CLTCL1: variants seen among roughly 807,000 people sequenced by gnomAD.
The protein encoded by CLTCL1 is clathrin heavy chain 2.
CLTCL1 carries 159 observed loss-of-function variants against 190.0 expected under a neutral mutation model. That is an observed-to-expected ratio of 0.84 (90% confidence interval 0.74 to 0.95). CLTCL1 has a LOEUF of 0.95. Among genes scored for constraint, CLTCL1 ranks in the 40% least tolerant of loss-of-function variants. The pLI is 0.00. For synonymous variants in CLTCL1, 752 were observed against 769.6 expected (o/e 0.98, Z 0.38); for missense variants, 1,878 against 2,033.4 (o/e 0.92, Z 1.47).
intron 7 of CLTCL1, 62 bp from the exon 8 acceptor site, chr22:19,233,684 T>C: frequency 6.6e-7 from 1 of 1,505,942 alleles, no homozygotes; most frequent in Non-Finnish European, 9.1e-7. Context: ...TTCACTCAAC[T>C]TCCTTGTATG....
intron 2 of CLTCL1, among the ~76,000 whole-genome samples, chr22:19,256,932 G>A (rs2086780701): frequency 1.3e-5 from 2 of 152,132 alleles, no homozygotes; most frequent in Non-Finnish European, 2.9e-5. Flanking sequence ...ATGTTGAGAT[G>A]TACTATAAAG....
chr22:19,189,111 G>A (rs2084409670), intron 27 of CLTCL1, among the ~76,000 whole-genome samples: 1 of 152,058 alleles, frequency 6.6e-6, no homozygotes, highest in Non-Finnish European at 1.5e-5. Flanking sequence ...CACCACGTTG[G>A]TCAGGCTGGT....
intron 1 of CLTCL1, among the ~76,000 whole-genome samples, chr22:19,289,363 T>C (rs2088025712): frequency 6.6e-6 from 1 of 152,146 alleles, no homozygotes; most frequent in African/African-American, 2.4e-5. Context: ...TTCATATTTT[T>C]AGAAGGTTAA....
intron 13 of CLTCL1, among the ~76,000 whole-genome samples, chr22:19,224,489 G>C (rs534169667): frequency 2.6e-5 from 4 of 152,174 alleles, no homozygotes. Flanking sequence ...GGCACCACAT[G>C]CTGAGCCCCA....
intron 19 of CLTCL1, among the ~76,000 whole-genome samples, chr22:19,211,799 C>T (rs1555946951): frequency 1.3e-5 from 2 of 148,548 alleles, no homozygotes; most frequent in Non-Finnish European, 3.0e-5. Context: ...ACAAAACTGT[C>T]CCAATTTGCA....
chr22:19,237,060 C>T (rs1555962555), intron 5 of CLTCL1, among the ~76,000 whole-genome samples: 1 of 152,110 alleles, frequency 6.6e-6, no homozygotes. Flanking sequence ...GATACCACTG[C>T]CACACAAAAA....
At chr22:19,277,767 A>C (rs1404194198) in intron 1 of CLTCL1, among the ~76,000 whole-genome samples, 1 of 152,168 alleles carries the variant, frequency 6.6e-6, no homozygotes, top group Non-Finnish European at 1.5e-5. Context: ...TCCAGCAGAC[A>C]CCACCTAGTT....
chr22:19,220,824 C>G (rs1285353665), intron 17 of CLTCL1, among the ~76,000 whole-genome samples: 1 of 152,176 alleles, frequency 6.6e-6, no homozygotes, highest in Admixed American at 6.5e-5. Flanking sequence ...TCAACCTAAA[C>G]ATGTAATTAT....
intron 2 of CLTCL1, among the ~76,000 whole-genome samples, chr22:19,254,436 T>C (rs1555971591): frequency 6.6e-6 from 1 of 152,228 alleles, no homozygotes; most frequent in African/African-American, 2.4e-5. Context: ...TAAATTCTTC[T>C]TCAGAGGAAT....
chr22:19,230,696 C>T (rs1238977255), intron 10 of CLTCL1, among the ~76,000 whole-genome samples: 1 of 152,176 alleles, frequency 6.6e-6, no homozygotes, highest in Non-Finnish European at 1.5e-5. Context: ...TATGAACCCC[C>T]AAGCAGTAAT....
At chr22:19,270,251 G>A (rs117053154) in intron 2 of CLTCL1, among the ~76,000 whole-genome samples, 2,584 of 152,250 alleles carry the variant, frequency 0.017, 38 homozygotes, top group Middle Eastern at 0.027. Context: ...CCATTTATTT[G>A]AATTGTCTAC....
At chr22:19,266,320 A>C (rs574599749) in intron 2 of CLTCL1, among the ~76,000 whole-genome samples, 2 of 152,372 alleles carry the variant, frequency 1.3e-5, no homozygotes, top group Non-Finnish European at 2.9e-5. Flanking sequence ...ACATACTAGA[A>C]GACTTAGATA....
At chr22:19,227,847 C>T (rs2085800756) in intron 11 of CLTCL1, among the ~76,000 whole-genome samples, 2 of 152,154 alleles carry the variant, frequency 1.3e-5, no homozygotes, top group Non-Finnish European at 2.9e-5. Context: ...ACCTTGGCCT[C>T]CAAAAATGCT....
intron 26 of CLTCL1, among the ~76,000 whole-genome samples, chr22:19,195,206 G>T (rs1414781360): frequency 6.6e-6 from 1 of 152,158 alleles, no homozygotes; most frequent in Non-Finnish European, 1.5e-5. Context: ...CAGCAGCCAC[G>T]TGTGCCAGGC....
At position 19,198,783 on chromosome 22, in the gene CLTCL1, T is replaced by G. The variant is rs1458123642; in HGVS notation, c.3873+951A>C. On this transcript the variant is annotated intron_variant, in intron 24 of 32. Transcript: ENST00000427926. This position sits in a 1 kb window ranked among gnomAD's most constrained non-coding sequence, Gnocchi z 4.1. The stretch of plus-strand genomic sequence containing the variant: ...TAGGTTTGTTGCTTGCCTGCCAACC[T>G]TGCTGAATGCCAGTTCAATTAAATA... 2.0e-5 allele frequency among the ~76,000 whole-genome samples: 3 copies of G among 152,218 alleles called. No individual in the cohort carries two copies. Among genetic ancestry groups the G allele is most frequent in the Non-Finnish European group, 4.4e-5 (3 of 68,040 alleles).
At chr22:19,241,941 C>T (rs1555965554) in intron 4 of CLTCL1, among the ~76,000 whole-genome samples, 3 of 139,084 alleles carry the variant, frequency 2.2e-5, no homozygotes, top group African/African-American at 5.4e-5. Context: ...CCTCATCTAC[C>T]TTTTTTTTTT....
At chr22:19,249,293 A>C (rs2086516062) in intron 3 of CLTCL1, among the ~76,000 whole-genome samples, 1 of 151,974 alleles carries the variant, frequency 6.6e-6, no homozygotes, top group South Asian at 2.1e-4. Context: ...CGGGAGGTGG[A>C]GGTTGCAGTG....
At chr22:19,240,385 G>C (rs1555964762) in intron 4 of CLTCL1, among the ~76,000 whole-genome samples, 1 of 152,116 alleles carries the variant, frequency 6.6e-6, no homozygotes. Flanking sequence ...ACAGACAAGG[G>C]TGTCTGTGGA....
chr22:19,234,249 A>G (rs1292372961), intron 7 of CLTCL1, among the ~76,000 whole-genome samples: 1 of 152,242 alleles, frequency 6.6e-6, no homozygotes, highest in African/African-American at 2.4e-5. Flanking sequence ...CAGAAATGTG[A>G]AACTGTATCT....
Sources: allele counts gnomAD v4.1 joint callset (sites outside exome capture counted in the v4.1 genomes callset), GRCh38; gene constraint gnomAD v4.1.1; non-coding constraint Gnocchi (gnomAD v3.1); transcripts MANE v1.5; gene names NCBI Gene and HGNC (gene_info 2026-07-23, HGNC 2026-07-21).